Variants in ESF1 observed in about 807,000 individuals in gnomAD.
ESF1 encodes the protein ESF1 homolog.
A neutral mutation model predicts 92.0 loss-of-function variants in ESF1; 58 were observed. The ratio of observed to expected loss-of-function variants is 0.63; its 90% CI spans 0.51 to 0.78. The LOEUF (loss-of-function observed/expected upper bound fraction) is 0.78. ESF1 is among the 30% of genes least tolerant of loss of function. The probability of loss-of-function intolerance (pLI) is 0.00; values close to 1 mark genes in which losing one functional copy is unlikely to be tolerated. For synonymous variants in ESF1, 321 were observed against 313.7 expected (o/e 1.02, Z -0.24); for missense variants, 922 against 989.1 (o/e 0.93, Z 0.91).
At chr20:13,762,816 C>A in intron 8 of ESF1, 3 of 345,256 alleles carry the variant, frequency 8.7e-6, no homozygotes, top group Non-Finnish European at 1.6e-5. Context: ...TTTAAAAAAA[C>A]TTGGTGTATC....
chr20:13,782,769 AC>A lies in ESF1; in HGVS notation c.371del (p.Gly124ValfsTer8). ...KKETKKANHK[G>X]SENKTDLDNS... ...TATCTAAATCAGTTTTATTTTCAGA[AC>A]CCTTGTGATTAGCCTTCTTGGTTTC... On this transcript the variant is annotated frameshift_variant, in exon 2 of 14. Transcript: ENST00000617257. LOFTEE classifies it high-confidence loss of function. 1 of 1,600,020 alleles carries A rather than the reference AC, an allele frequency of 6.2e-7. No individual in the cohort carries two copies. The highest frequency in any genetic ancestry group is 8.5e-7 in the Non-Finnish European group (1 of 1,176,644).
At chr20:13,751,575 G>A (rs1349745593) in intron 9 of ESF1, among the ~76,000 whole-genome samples, 1 of 152,158 alleles carries the variant, frequency 6.6e-6, no homozygotes, top group Non-Finnish European at 1.5e-5. Context: ...CAGGGATGTG[G>A]GGGGGAACCA....
At chr20:13,742,720 T>C (rs929929613) in intron 9 of ESF1, among the ~76,000 whole-genome samples, 67 of 151,954 alleles carry the variant, frequency 4.4e-4, no homozygotes, top group African/African-American at 1.6e-3. Flanking sequence ...AATATAATAT[T>C]AAGTGAAAAA....
chr20:13,737,905 C>T (rs751902109), intron 9 of ESF1, among the ~76,000 whole-genome samples: 1 of 152,304 alleles, frequency 6.6e-6, no homozygotes, highest in Admixed American at 6.5e-5. Context: ...ATCCGCCCAC[C>T]TCGGCTTCCC....
intron 8 of ESF1, 124 bp downstream of exon 8, chr20:13,766,653 C>A: frequency 1.2e-6 from 1 of 818,934 alleles, no homozygotes. Context: ...AAAAATCAAT[C>A]ACTATCTACA....
Position 13,728,592 on chromosome 20 carries a change from C to T in ESF1, c.1951-127G>A, listed in dbSNP as rs73094134. 3,945 of 761,094 alleles carry T rather than the reference C, an allele frequency of 5.2e-3. 19 individuals are homozygous for T. The highest frequency in any genetic ancestry group is 6.6e-3 in the Non-Finnish European group (3,145 of 478,718). 47.1% of individuals were successfully genotyped at this position (761,094 alleles called of 1,614,324 possible). ...ATCTAAAAGTAAATCAGTGGCCAAG[C>T]GTGGTGGCTCACGCCTGTAATCTGA... On this transcript the variant is annotated intron_variant, in intron 10 of 13. Transcript: ENST00000617257.
chr20:13,719,654 A>C (rs1292597558), intron 11 of ESF1, among the ~76,000 whole-genome samples: 1 of 152,160 alleles, frequency 6.6e-6, no homozygotes, highest in Non-Finnish European at 1.5e-5. Context: ...TAAGAGTTAA[A>C]TATCAAACAA....
chr20:13,725,883 C>T (rs1304785945), intron 11 of ESF1, among the ~76,000 whole-genome samples: 1 of 152,162 alleles, frequency 6.6e-6, no homozygotes, highest in African/African-American at 2.4e-5. Context: ...AGTGATTATA[C>T]CACAAATGGA....
chr20:13,716,400 A>T (rs1272681281), intron 13 of ESF1, among the ~76,000 whole-genome samples: 1 of 152,186 alleles, frequency 6.6e-6, no homozygotes, highest in African/African-American at 2.4e-5. Context: ...CCACTGTGAC[A>T]TGAACCTGCT....
At chr20:13,784,657 G>A (rs1414961200) in intron 1 of ESF1, among the ~76,000 whole-genome samples, 3 of 151,976 alleles carry the variant, frequency 2.0e-5, no homozygotes, top group East Asian at 1.9e-4. Context: ...TCCACCTCCT[G>A]TACCGCAGGG....
chr20:13,753,239 C>G (rs568755903), intron 9 of ESF1, among the ~76,000 whole-genome samples: 46 of 151,788 alleles, frequency 3.0e-4, no homozygotes, highest in Non-Finnish European at 6.3e-4. Flanking sequence ...TAGTCATTAA[C>G]AAAAGCCCCC....
intron 10 of ESF1, among the ~76,000 whole-genome samples, chr20:13,731,148 T>C (rs111911031): frequency 2.2e-4 from 34 of 152,136 alleles, no homozygotes; most frequent in Middle Eastern, 3.4e-3. Context: ...TCCCAGCAAA[T>C]GAAAATCAAA....
At position 13,715,101 on chromosome 20, in the gene ESF1, C is replaced by T; in HGVS notation, c.2329G>A (p.Asp777Asn). The change falls in exon 14 of 14, where the codon GAT becomes AAT. Residue 777 changes from aspartate to asparagine, a missense_variant. Transcript: ENST00000617257. The part of the protein sequence containing the change: ...TSHLFNLDPS[D>N]PNFKKTKAME... ...GCTTTTGTTTTCTTGAAATTGGGAT[C>T]TGAGGGGTCCAAATTGAACAAGTGG... 2 of 1,613,044 alleles carry T rather than the reference C, an allele frequency of 1.2e-6. No homozygotes were observed. Among genetic ancestry groups the T allele is most frequent in the African/African-American group, 1.3e-5 (1 of 74,684 alleles).
rs1344791383 is a variant in ESF1 at position 13,748,535 on chromosome 20, T to C, written c.1828+11157A>G. Among the ~76,000 whole-genome samples, 362 of 79,866 alleles carry C rather than the reference T, an allele frequency of 4.5e-3. 2 individuals carry two copies. Among genetic ancestry groups the C allele is most frequent in the African/African-American group, 0.015 (329 of 21,838 alleles). The allele number at this position is 79,866 out of a possible 152,430, so 52.4% of individuals were successfully genotyped here. On this transcript the variant is annotated intron_variant, in intron 9 of 13. Coordinates refer to ENST00000617257, the MANE Select transcript of ESF1 (RefSeq NM_001276380.2). ...ATATATACACATATATATATACACA[T>C]ATATATGTGTGTGTATATATATATA...
At chr20:13,734,433 AC>A (rs2049963246) in intron 9 of ESF1, among the ~76,000 whole-genome samples, 2 of 152,200 alleles carry the variant, frequency 1.3e-5, no homozygotes, top group African/African-American at 4.8e-5. Context: ...GATCAGAAGG[AC>A]CACCAAGTTC....
chr20:13,778,569 C>G (rs889478339), intron 2 of ESF1, among the ~76,000 whole-genome samples: 10 of 152,014 alleles, frequency 6.6e-5, no homozygotes, highest in Non-Finnish European at 1.2e-4. Flanking sequence ...GATGTTGACA[C>G]AGTACATAAC....
intron 2 of ESF1, among the ~76,000 whole-genome samples, chr20:13,779,092 C>A (rs546279809): frequency 3.9e-5 from 6 of 152,158 alleles, no homozygotes; most frequent in African/African-American, 1.4e-4. Flanking sequence ...TTAGAGCCCA[C>A]AATGTACACA....
chr20:13,738,340 G>A (rs1425923400), intron 9 of ESF1, among the ~76,000 whole-genome samples: 2 of 150,566 alleles, frequency 1.3e-5, no homozygotes, highest in East Asian at 3.9e-4. Context: ...TTGAGACAGG[G>A]TCTTGCTGTG....
At chr20:13,739,583 C>T (rs558383481) in intron 9 of ESF1, among the ~76,000 whole-genome samples, 84 of 152,104 alleles carry the variant, frequency 5.5e-4, no homozygotes, top group African/African-American at 1.9e-3. Flanking sequence ...AATTAGTTTA[C>T]GGCAAAGAAG....
Sources: gnomAD v4.1 joint callset for allele counts (sites outside exome capture counted in the v4.1 genomes callset) on GRCh38, gnomAD v4.1.1 for gene constraint, MANE v1.5 for transcripts, NCBI Gene and HGNC (gene_info 2026-07-23, HGNC 2026-07-21) for gene names.